The following UBE3D variants were observed in gnomAD, a reference collection of about 807,000 sequenced individuals.
UBE3D encodes the protein ubiquitin protein ligase E3D.
In UBE3D, 48 loss-of-function variants were observed where a neutral mutation model predicts 49.6. That is an observed-to-expected ratio of 0.97 (90% CI 0.77 to 1.23). UBE3D has a LOEUF of 1.23. Among genes scored for constraint, UBE3D ranks in the 50% most tolerant of loss-of-function variants. The pLI is 0.00. For missense variants in UBE3D, 452 were observed against 468.4 expected (o/e 0.96, Z 0.32); for synonymous variants, 189 against 174.2 (o/e 1.08, Z -0.67).
chr6:82,944,915 A>G (rs1210398019), intron 9 of UBE3D, among the ~76,000 whole-genome samples: 3 of 152,210 alleles, frequency 2.0e-5, no homozygotes, highest in Admixed American at 2.0e-4. Flanking sequence ...AGGACTGTTT[A>G]TCATGGTTCA....
chr6:82,974,043 G>A (rs1777540442), intron 8 of UBE3D, among the ~76,000 whole-genome samples: 1 of 152,162 alleles, frequency 6.6e-6, no homozygotes, highest in Admixed American at 6.6e-5. Flanking sequence ...ACATTATGGT[G>A]AGTTGTATAA....
chr6:83,063,427 A>AAAAAAAAAAAG (rs1562242195), intron 1 of UBE3D, among the ~76,000 whole-genome samples: 7 of 150,254 alleles, frequency 4.7e-5, no homozygotes, highest in South Asian at 2.1e-4. Context: ...AAAAAAAAAA[A>AAAAAAAAAAAG]AAAAAAAAAA....
At position 82,976,089 on chromosome 6, in the gene UBE3D, T is replaced by C. The variant is rs527322914; in HGVS notation, c.1011-18639A>G. On this transcript the variant is annotated intron_variant, in intron 8 of 9. Coordinates refer to ENST00000369747, the MANE Select transcript of UBE3D (RefSeq NM_198920.3). ...GCAAATTTATTTCAGGTAATTTTCATTAACCAGGAACAAGGTAAAAAAGCC... is the reference window on the plus strand; with the variant it reads ...GCAAATTTATTTCAGGTAATTTTCACTAACCAGGAACAAGGTAAAAAAGCC... 5.9e-5 allele frequency among the ~76,000 whole-genome samples: 9 copies of C among 152,352 alleles called. No individual in the cohort carries two copies. The South Asian group carries it at 1.9e-3, about 32-fold the overall frequency.
At chr6:82,896,790 G>A (rs1182901761) in intron 9 of UBE3D, among the ~76,000 whole-genome samples, 1 of 151,256 alleles carries the variant, frequency 6.6e-6, no homozygotes, top group Non-Finnish European at 1.5e-5. Flanking sequence ...TGCCCAGGCT[G>A]GAGTAGAGTG....
At chr6:82,986,628 G>GA (rs1018561133) in intron 8 of UBE3D, among the ~76,000 whole-genome samples, 4 of 147,804 alleles carry the variant, frequency 2.7e-5, no homozygotes, top group African/African-American at 7.4e-5. Flanking sequence ...TAGGTGACTT[G>GA]AAAAAAATAT....
chr6:83,012,148 T>C (rs1254001633), intron 8 of UBE3D, among the ~76,000 whole-genome samples: 2 of 152,164 alleles, frequency 1.3e-5, no homozygotes, highest in African/African-American at 2.4e-5. Flanking sequence ...GAGGCAATGC[T>C]GTGTGGAATA....
intron 8 of UBE3D, among the ~76,000 whole-genome samples, chr6:82,960,415 C>T (rs1776465954): frequency 1.3e-5 from 2 of 152,026 alleles, no homozygotes; most frequent in South Asian, 4.2e-4. Context: ...CCATAATCCA[C>T]TATTGTCTTA....
Position 82,970,089 on chromosome 6 carries a change from T to C in UBE3D, c.1011-12639A>G, listed in dbSNP as rs190429618. Among the ~76,000 whole-genome samples, 241 of 147,890 alleles carry C rather than the reference T, an allele frequency of 1.6e-3. 2 individuals are homozygous for C. The highest frequency in any genetic ancestry group is 4.9e-3 in the African/African-American group (201 of 40,832). ...TGATATACTATTATATATATAATTA[T>C]ATATAATTATATATAATAGAACATG... On this transcript the variant is annotated intron_variant, in intron 8 of 9. Coordinates refer to ENST00000369747, the MANE Select transcript of UBE3D (RefSeq NM_198920.3).
intron 8 of UBE3D, among the ~76,000 whole-genome samples, chr6:82,987,348 T>C (rs1239840924): frequency 6.6e-6 from 1 of 152,096 alleles, no homozygotes; most frequent in Non-Finnish European, 1.5e-5. Context: ...ATTTTGTTTG[T>C]AGTAGTTTTC....
chr6:83,036,626 T>C (rs1782276416), intron 5 of UBE3D: 1 of 152,212 alleles, frequency 6.6e-6, no homozygotes, highest in African/African-American at 2.4e-5. Context: ...CAACAATTCA[T>C]TTCAATTTTA....
chr6:82,898,419 G>A (rs747550785), intron 9 of UBE3D, among the ~76,000 whole-genome samples: 2 of 152,114 alleles, frequency 1.3e-5, no homozygotes, highest in Non-Finnish European at 2.9e-5. Flanking sequence ...CAAAGACTTG[G>A]AACCAACACA....
intron 8 of UBE3D, among the ~76,000 whole-genome samples, chr6:82,958,475 T>C (rs1184082619): frequency 6.6e-6 from 1 of 152,214 alleles, no homozygotes; most frequent in African/African-American, 2.4e-5. Context: ...TGGTGAATAA[T>C]GGAAACTTGG....
intron 8 of UBE3D, among the ~76,000 whole-genome samples, chr6:83,013,808 C>T (rs1408508320): frequency 6.6e-6 from 1 of 152,192 alleles, no homozygotes; most frequent in East Asian, 1.9e-4. Context: ...ACCAATAAGT[C>T]CAGTGTGTTT....
chr6:82,942,417 A>G (rs1459258154), intron 9 of UBE3D, among the ~76,000 whole-genome samples: 3 of 152,264 alleles, frequency 2.0e-5, no homozygotes, highest in African/African-American at 7.2e-5. Flanking sequence ...AGAAATTTGC[A>G]TAAGATACAA....
rs1554211669 is a variant in UBE3D at position 83,046,678 on chromosome 6, G to GGGC, written c.366-2020_366-2019insGCC. Among the ~76,000 whole-genome samples the GGGC allele has an allele frequency of 2.3e-4, 30 of 132,890 alleles. 2 individuals are homozygous for GGGC. Among genetic ancestry groups the GGGC allele is most frequent in the African/African-American group, 6.7e-4 (23 of 34,168 alleles). 87.2% of individuals were successfully genotyped at this position (132,890 alleles called of 152,430 possible). The stretch of plus-strand genomic sequence containing the variant: ...TCTAAATTCTTGCAGTTGGCGGGGG[G>GGGC]GGTGGGCGGTGGCACCGGGGGAGCA... On this transcript the variant is annotated intron_variant, in intron 3 of 9. Transcript: ENST00000369747.
chr6:82,961,818 C>A (rs963392422), intron 8 of UBE3D, among the ~76,000 whole-genome samples: 2 of 151,744 alleles, frequency 1.3e-5, no homozygotes, highest in Non-Finnish European at 2.9e-5. Context: ...AAAAATTAGC[C>A]AGGCATGGTG....
chr6:83,016,404 G>A (rs896511310), intron 8 of UBE3D, among the ~76,000 whole-genome samples: 1 of 152,060 alleles, frequency 6.6e-6, no homozygotes, highest in Non-Finnish European at 1.5e-5. Context: ...TCATGCCAAG[G>A]ACTATCAGCA....
intron 5 of UBE3D, among the ~76,000 whole-genome samples, chr6:83,028,285 T>C (rs758435481): frequency 2.0e-5 from 3 of 152,344 alleles, no homozygotes; most frequent in Middle Eastern, 3.4e-3. Context: ...TGTGCCTATT[T>C]ATCTTTGGTT....
Position 82,960,478 on chromosome 6 carries a change from A to G in UBE3D, c.1011-3028T>C, listed in dbSNP as rs553837978. 2.0e-5 allele frequency among the ~76,000 whole-genome samples: 3 copies of G among 152,066 alleles called. No homozygotes were observed. The East Asian group carries it at 5.9e-4, about 30-fold the overall frequency. ...CAGTTATCCTTGCTGCTGAATTTCTATTCATCCTGTGAGACCCACTTACAT... is the reference window on the plus strand; with the variant it reads ...CAGTTATCCTTGCTGCTGAATTTCTGTTCATCCTGTGAGACCCACTTACAT... On this transcript the variant is annotated intron_variant, in intron 8 of 9. Coordinates refer to ENST00000369747, the MANE Select transcript of UBE3D (RefSeq NM_198920.3).
Sources: gnomAD v4.1 joint callset for allele counts (sites outside exome capture counted in the v4.1 genomes callset) on GRCh38, gnomAD v4.1.1 for gene constraint, MANE v1.5 for transcripts, NCBI Gene and HGNC (gene_info 2026-07-23, HGNC 2026-07-21) for gene names.